Variants in ACER2 observed in about 807,000 individuals in gnomAD.
ACER2 encodes the protein alkCDase 2.
In ACER2, 26 loss-of-function variants were observed where a neutral mutation model predicts 34.7. The ratio of observed to expected loss-of-function variants is 0.75; its 90% CI spans 0.55 to 1.04. The LOEUF is 1.04. Ranked by LOEUF, ACER2 falls within the 50% of genes least tolerant of loss-of-function variation. The probability of loss-of-function intolerance (pLI) is 0.00; values close to 1 mark genes in which losing one functional copy is unlikely to be tolerated. For missense variants in ACER2, 352 were observed against 340.8 expected, an observed-to-expected ratio of 1.03 and a Z score of -0.26; for synonymous variants, 138 against 132.1, an observed-to-expected ratio of 1.04 and a Z score of -0.31.
At position 19,446,275 on chromosome 9, in the gene ACER2, G is replaced by A. The variant is rs369286466; in HGVS notation, c.504-6G>A. On this transcript the variant is annotated splice_region_variant and splice_polypyrimidine_tract_variant and intron_variant, in intron 4 of 5. Coordinates refer to ENST00000340967, the MANE Select transcript of ACER2 (RefSeq NM_001010887.3). ...ACGATGAGTGACTCTCTGGACCCCCGTGCAGGTGTGACAACATGCGTGTGT... is the reference window on the plus strand; with the variant it reads ...ACGATGAGTGACTCTCTGGACCCCCATGCAGGTGTGACAACATGCGTGTGT... 1.2e-5 allele frequency: 20 copies of A among 1,614,022 alleles called. No individual in the cohort carries two copies. Among genetic ancestry groups the A allele is most frequent in the East Asian group, 4.5e-5 (2 of 44,884 alleles).
chr9:19,423,902 T>G lies in ACER2; in HGVS notation c.149T>G (p.Met50Arg), dbSNP rs1261925367. The G allele has an allele frequency of 6.2e-7, 1 of 1,614,174 alleles. No homozygotes were observed. Among genetic ancestry groups the G allele is most frequent in the Non-Finnish European group, 8.5e-7 (1 of 1,179,996 alleles). ...VLFFILPPIC[M>R]CLFRQYATCF... Reference sequence around the variant, plus strand: ...TTTTTCATTTTACCGCCCATCTGCATGTGCTTGTTTCGTCAGTATGCAACA... The same window carrying G: ...TTTTTCATTTTACCGCCCATCTGCAGGTGCTTGTTTCGTCAGTATGCAACA... Residue 50 changes from methionine (M) to arginine (R), a missense_variant, in exon 2 of 6, where the codon ATG becomes AGG. Coordinates refer to ENST00000340967, the MANE Select transcript of ACER2 (RefSeq NM_001010887.3).
At chr9:19,442,993 C>T (rs1215479048) in intron 4 of ACER2, among the ~76,000 whole-genome samples, 4 of 149,260 alleles carry the variant, frequency 2.7e-5, no homozygotes, top group African/African-American at 7.4e-5. Context: ...CCATCATGCC[C>T]GGCTAATTTA....
At chr9:19,432,008 C>A (rs973202831) in intron 3 of ACER2, among the ~76,000 whole-genome samples, 3 of 152,098 alleles carry the variant, frequency 2.0e-5, no homozygotes, top group African/African-American at 7.2e-5. Flanking sequence ...ATGAATGAGG[C>A]CTTGGAAATC....
At chr9:19,426,418 C>G (rs1589045359) in intron 3 of ACER2, among the ~76,000 whole-genome samples, 1 of 149,908 alleles carries the variant, frequency 6.7e-6, no homozygotes, top group Admixed American at 6.7e-5. Context: ...CTCCTTTCCC[C>G]TCCCTTCCCC....
intron 5 of ACER2, 86 bp downstream of exon 5, chr9:19,446,504 A>G: frequency 6.3e-7 from 1 of 1,590,800 alleles, no homozygotes; most frequent in Non-Finnish European, 8.5e-7. Flanking sequence ...AGTGGTGCAC[A>G]GGTGTCCTGT....
chr9:19,446,615 C>G, intron 5 of ACER2, 197 bp downstream of exon 5: 4 of 985,434 alleles, frequency 4.1e-6, no homozygotes, highest in Non-Finnish European at 4.8e-6. Context: ...AGGGAGCAGG[C>G]TTAGCCGGAA....
chr9:19,449,379 TTGTA>T (rs1831484048), intron 5 of ACER2, among the ~76,000 whole-genome samples: 1 of 152,202 alleles, frequency 6.6e-6, no homozygotes, highest in Admixed American at 6.5e-5. Flanking sequence ...TTAGTGTTCT[TTGTA>T]TGTAGGGATT....
At chr9:19,428,784 T>G (rs1368008196) in intron 3 of ACER2, among the ~76,000 whole-genome samples, 3 of 127,540 alleles carry the variant, frequency 2.4e-5, no homozygotes, top group Non-Finnish European at 3.3e-5. Flanking sequence ...GGGTTTTTTT[T>G]TTTTTTTTTT....
Position 19,451,806 on chromosome 9 carries a change from C to G in ACER2, c.*1170C>G, listed in dbSNP as rs1831579117. On this transcript the variant is annotated 3_prime_UTR_variant, in exon 6 of 6. Transcript: ENST00000340967. ...TTTGGAAACGTTTTCTCATTTGAAGCCTCCAGTATGCTGTACTATTCTGGA... is the reference window on the plus strand; with the variant it reads ...TTTGGAAACGTTTTCTCATTTGAAGGCTCCAGTATGCTGTACTATTCTGGA... 1 of 152,290 alleles carries G rather than the reference C, an allele frequency of 6.6e-6. No homozygotes were observed. The highest frequency in any genetic ancestry group is 6.5e-5 in the Admixed American group (1 of 15,304). The allele number at this position is 152,290 out of a possible 1,614,324, so 9.4% of individuals were successfully genotyped here. A position where few individuals can be genotyped will look rare whatever the true frequency, so the allele number is the denominator to read the frequency against.
chr9:19,444,154 TAAAA>T (rs142554474), intron 4 of ACER2, among the ~76,000 whole-genome samples: 1 of 95,746 alleles, frequency 1.0e-5, no homozygotes, highest in Non-Finnish European at 2.1e-5. Flanking sequence ...GCTGATGAGC[TAAAA>T]AAAAAAAAAA....
chr9:19,423,992 T>G lies in ACER2; in HGVS notation c.223+16T>G, dbSNP rs1442593755. 6.3e-7 allele frequency: 1 copy of G among 1,578,136 alleles called. No homozygotes were observed. Among genetic ancestry groups the G allele is most frequent in the South Asian group, 1.1e-5 (1 of 90,398 alleles). ...GTTGTAGTGGGTAAGTGGAGTCATT[T>G]GGGAACACGGACTTAATGGGGTGGT... On this transcript the variant is annotated intron_variant, in intron 2 of 5. Coordinates refer to ENST00000340967, the MANE Select transcript of ACER2 (RefSeq NM_001010887.3).
At chr9:19,411,817 C>T (rs1830095056) in intron 1 of ACER2, among the ~76,000 whole-genome samples, 1 of 152,282 alleles carries the variant, frequency 6.6e-6, no homozygotes, top group African/African-American at 2.4e-5. Flanking sequence ...AGGGGTAGCA[C>T]ATCACTACTA....
intron 3 of ACER2, among the ~76,000 whole-genome samples, chr9:19,432,620 T>C (rs1830792915): frequency 6.7e-6 from 1 of 148,390 alleles, no homozygotes; most frequent in Admixed American, 6.7e-5. Flanking sequence ...TTTAATATAA[T>C]TACACATATT....
intron 1 of ACER2, among the ~76,000 whole-genome samples, chr9:19,412,373 C>T (rs962577844): frequency 6.6e-6 from 1 of 152,092 alleles, no homozygotes; most frequent in Non-Finnish European, 1.5e-5. Context: ...ATGTATAAGG[C>T]TGGGGGCAGT....
At chr9:19,417,452 C>T (rs1039408152) in intron 1 of ACER2, among the ~76,000 whole-genome samples, 15 of 152,174 alleles carry the variant, frequency 9.9e-5, no homozygotes, top group African/African-American at 2.4e-4. Flanking sequence ...GGAGGCATCA[C>T]GCTACCTGAC....
intron 4 of ACER2, among the ~76,000 whole-genome samples, chr9:19,443,841 G>C (rs1831241359): frequency 6.6e-6 from 1 of 152,072 alleles, no homozygotes; most frequent in African/African-American, 2.4e-5. Context: ...ATTTTTGGTA[G>C]AGACGGGATA....
chr9:19,422,598 C>T (rs923682458), intron 1 of ACER2, among the ~76,000 whole-genome samples: 9 of 151,892 alleles, frequency 5.9e-5, no homozygotes, highest in African/African-American at 1.9e-4. Context: ...AAAGAGTCCT[C>T]GCTTTGTGTA....
At chr9:19,413,754 G>A (rs1024654230) in intron 1 of ACER2, among the ~76,000 whole-genome samples, 9 of 152,120 alleles carry the variant, frequency 5.9e-5, no homozygotes, top group African/African-American at 1.9e-4. Flanking sequence ...TCAACTGATC[G>A]CTGAAAAGAA....
intron 1 of ACER2, among the ~76,000 whole-genome samples, chr9:19,418,944 T>A (rs1051940528): frequency 6.6e-6 from 1 of 152,138 alleles, no homozygotes; most frequent in Non-Finnish European, 1.5e-5. Flanking sequence ...CCCAGCACTT[T>A]GGGAGGCCGA....
Sources: gnomAD v4.1 joint callset for allele counts (sites outside exome capture counted in the v4.1 genomes callset) on GRCh38, gnomAD v4.1.1 for gene constraint, MANE v1.5 for transcripts, NCBI Gene and HGNC (gene_info 2026-07-23, HGNC 2026-07-21) for gene names.